DYNC2I1: variants seen among roughly 807,000 people sequenced by gnomAD.
DYNC2I1 encodes cytoplasmic dynein 2 intermediate chain 1.
DYNC2I1 carries 89 observed loss-of-function variants against 133.4 expected under a neutral mutation model. The observed-to-expected ratio is 0.67, with a 90% confidence interval of 0.56 to 0.80. DYNC2I1 has a LOEUF of 0.80. Among genes scored for constraint, DYNC2I1 ranks in the 30% least tolerant of loss-of-function variants. The pLI is 0.00. For missense variants in DYNC2I1, 1,291 were observed against 1,314.5 expected (o/e 0.98, Z 0.28); for synonymous variants, 504 against 484.3 (o/e 1.04, Z -0.54).
At chr7:158,907,273 CTTTTTTTTTTTTTTT>C (rs36062364) in intron 11 of DYNC2I1, among the ~76,000 whole-genome samples, 2 of 99,746 alleles carry the variant, frequency 2.0e-5, no homozygotes, top group Admixed American at 1.1e-4. Context: ...CCATGGCCTT[CTTTTTTTTTTTTTTT>C]TTTTTTTTTT....
chr7:158,905,938 TGGAAGA>T, intron 10 of DYNC2I1, 45 bp from the exon 11 acceptor site: 2 of 1,456,098 alleles, frequency 1.4e-6, no homozygotes, highest in Admixed American at 1.9e-5. Context: ...TTTTTTTGCT[TGGAAGA>T]CATATTTCCG....
intron 4 of DYNC2I1, among the ~76,000 whole-genome samples, chr7:158,951,287 C>T (rs1852045990): frequency 1.3e-5 from 2 of 152,374 alleles, no homozygotes; most frequent in Middle Eastern, 3.4e-3. Flanking sequence ...CTGGATGTGG[C>T]TGTGCCTTTC....
chr7:158,930,507 G>C lies in DYNC2I1; in HGVS notation c.2538G>C (p.Leu846Phe), dbSNP rs201839458. 2.4e-4 allele frequency: 383 copies of C among 1,612,562 alleles called. 2 individuals carry two copies. The highest frequency in any genetic ancestry group is 1.8e-4 in the Admixed American group (11 of 59,834). ...VKLVHSALIQLGDSLSHKGNE... is the reference protein window; with the variant it reads ...VKLVHSALIQFGDSLSHKGNE... ...TGGTACATAGTGCTCTGATCCAGTT[G>C]GGTGACAGGTAAGATGTGAGGGAAA... is the stretch of plus-strand genomic sequence containing the variant. Residue 846 changes from leucine to phenylalanine, a missense_variant, in exon 21 of 25, where the codon TTG (leucine) becomes TTC (phenylalanine). Coordinates refer to ENST00000407559, the MANE Select transcript of DYNC2I1 (RefSeq NM_018051.5).
At chr7:158,934,809 G>T (rs1318511008) in intron 23 of DYNC2I1, among the ~76,000 whole-genome samples, 1 of 152,136 alleles carries the variant, frequency 6.6e-6, no homozygotes, top group Non-Finnish European at 1.5e-5. Flanking sequence ...AGGCTTGCCA[G>T]TTCTTTTTAG....
intron 7 of DYNC2I1, among the ~76,000 whole-genome samples, chr7:158,887,743 G>A (rs1844746858): frequency 6.6e-6 from 1 of 152,142 alleles, no homozygotes; most frequent in South Asian, 2.1e-4. Flanking sequence ...ATTCTACCAA[G>A]CACATGTTAT....
chr7:158,914,424 G>A (rs1308429658), intron 14 of DYNC2I1, 103 bp downstream of exon 14: 2 of 843,574 alleles, frequency 2.4e-6, no homozygotes, highest in African/African-American at 1.7e-5. Context: ...TTTGTAGCTT[G>A]GATAAATCAG....
At chr7:158,852,503 G>A (rs1841082984), upstream of DYNC2I1, among the ~76,000 whole-genome samples, 1 of 151,840 alleles carries the variant, frequency 6.6e-6, no homozygotes, top group African/African-American at 2.4e-5. Context: ...CACTTTGGGA[G>A]GCCAAGGTGG....
At chr7:158,863,467 TTAAA>T (rs1335103957) in intron 1 of DYNC2I1, among the ~76,000 whole-genome samples, 4 of 151,798 alleles carry the variant, frequency 2.6e-5, no homozygotes, top group Non-Finnish European at 5.9e-5. Flanking sequence ...ATGAGACTCT[TTAAA>T]TAATAATAAT....
chr7:158,950,131 T>C (rs1852011576), downstream of DYNC2I1, among the ~76,000 whole-genome samples: 1 of 152,170 alleles, frequency 6.6e-6, no homozygotes, highest in African/African-American at 2.4e-5. Context: ...TGGTGTGATC[T>C]TGGCTCACTG....
chr7:158,873,314 A>G (rs1193650148), intron 3 of DYNC2I1, among the ~76,000 whole-genome samples: 13 of 152,198 alleles, frequency 8.5e-5, no homozygotes, highest in Non-Finnish European at 1.5e-5. Context: ...CACTCTTAGA[A>G]TCAGCAGAAG....
chr7:158,909,800 T>C (rs1024834686), intron 11 of DYNC2I1, among the ~76,000 whole-genome samples: 1 of 152,170 alleles, frequency 6.6e-6, no homozygotes, highest in African/African-American at 2.4e-5. Flanking sequence ...GCCTAGGGCA[T>C]TTGACGTTCG....
intron 12 of DYNC2I1, among the ~76,000 whole-genome samples, chr7:158,912,051 T>G (rs759029624): frequency 6.6e-5 from 10 of 152,224 alleles, no homozygotes; most frequent in African/African-American, 2.4e-4. Flanking sequence ...CTTGGCTCAC[T>G]GCAAACTCCA....
At chr7:158,940,268 G>A (rs2527194) in intron 23 of DYNC2I1, among the ~76,000 whole-genome samples, 129,723 of 152,082 alleles carry the variant, frequency 0.85, 55,528 homozygotes, top group East Asian at 0.95. Context: ...AGATTCTCAT[G>A]AGGAGACTGC....
At chr7:158,928,244 T>C (rs1849819993) in intron 20 of DYNC2I1, among the ~76,000 whole-genome samples, 1 of 152,246 alleles carries the variant, frequency 6.6e-6, no homozygotes. Context: ...TCCTGTTGTG[T>C]TCTGTGGTTG....
chr7:158,901,019 C>G (rs929592687), intron 8 of DYNC2I1, among the ~76,000 whole-genome samples: 1 of 152,120 alleles, frequency 6.6e-6, no homozygotes, highest in Non-Finnish European at 1.5e-5. Flanking sequence ...AGTTCCTGTT[C>G]TGATAATTCC....
In DYNC2I1 at chr7:158,945,976, C is replaced by A; in HGVS notation, c.*197C>A. 1 of 533,578 alleles carries A rather than the reference C, an allele frequency of 1.9e-6. No individual in the cohort carries two copies. The highest frequency in any genetic ancestry group is 2.9e-6 in the Non-Finnish European group (1 of 344,018). The allele number at this position is 533,578 out of a possible 1,614,324, so 33.1% of individuals were successfully genotyped here. On this transcript the variant is annotated 3_prime_UTR_variant, in exon 25 of 25. Transcript: ENST00000407559. The surrounding 1 kb of genome is among the most constrained non-coding windows in gnomAD (Gnocchi z 4.1). ...CTTTTGAGTGGAAACAAAGAACATT[C>A]TAGCATTTACAAAACTTCCAGGGGA...
chr7:158,914,757 T>C (rs1428633278), intron 14 of DYNC2I1, among the ~76,000 whole-genome samples: 4 of 152,220 alleles, frequency 2.6e-5, no homozygotes, highest in Admixed American at 6.5e-5. Flanking sequence ...GGTACTTTAG[T>C]GGTTATCACC....
At chr7:158,867,785 G>A (rs545776449) in intron 1 of DYNC2I1, among the ~76,000 whole-genome samples, 16 of 152,192 alleles carry the variant, frequency 1.1e-4, no homozygotes, top group African/African-American at 3.6e-4. Context: ...GTGCTATGGC[G>A]TCTCCCAGGG....
At chr7:158,957,793 G>A (rs1474964711), downstream of DYNC2I1, among the ~76,000 whole-genome samples, 1 of 152,198 alleles carries the variant, frequency 6.6e-6, no homozygotes. Context: ...CCTAGGGAAA[G>A]AGCAGCGCCG....
Sources: gnomAD v4.1 joint callset for allele counts (sites outside exome capture counted in the v4.1 genomes callset) on GRCh38, gnomAD v4.1.1 for gene constraint, Gnocchi (gnomAD v3.1) non-coding constraint, MANE v1.5 for transcripts, NCBI Gene and HGNC (gene_info 2026-07-23, HGNC 2026-07-21) for gene names.